The following OGDHL variants were observed in gnomAD, a reference collection of about 807,000 sequenced individuals.
The protein encoded by OGDHL is oxoglutarate dehydrogenase L.
OGDHL carries 79 observed loss-of-function variants against 109.6 expected under a neutral mutation model. The ratio of observed to expected loss-of-function variants is 0.72; its 90% CI spans 0.60 to 0.87. The LOEUF is 0.87. OGDHL is among the 40% of genes least tolerant of loss of function. The pLI, the probability that OGDHL is intolerant of heterozygous loss-of-function variation, is 0.00. For missense variants in OGDHL, 1,275 were observed against 1,362.2 expected (o/e 0.94, Z 1.01); for synonymous variants, 528 against 537.2 (o/e 0.98, Z 0.24).
At chr10:49,760,910 T>C (rs1843233467) in intron 1 of OGDHL, among the ~76,000 whole-genome samples, 3 of 152,364 alleles carry the variant, frequency 2.0e-5, no homozygotes, top group South Asian at 4.1e-4. Context: ...AATGGGGCAG[T>C]TTGGGCCAGA....
At chr10:49,747,327 G>T in intron 8 of OGDHL, 119 bp from the exon 9 acceptor site, 1 of 1,098,170 alleles carries the variant, frequency 9.1e-7, no homozygotes, top group Non-Finnish European at 1.3e-6. Flanking sequence ...CACTGCCTCA[G>T]AGGGCCAAGC....
chr10:49,756,949 A>T lies in OGDHL; in HGVS notation c.205-3T>A. The T allele has an allele frequency of 6.2e-7, 1 of 1,611,242 alleles. No homozygotes were observed. The highest frequency in any genetic ancestry group is 8.5e-7 in the Non-Finnish European group (1 of 1,178,502). ...TCCCTGAAGAAGCTGTCCCAGGACT[A>T]GGCAGGGCAGAAACAAGAACGCAGC... is the stretch of plus-strand genomic sequence containing the variant. On this transcript the variant is annotated splice_polypyrimidine_tract_variant and splice_region_variant and intron_variant, in intron 2 of 22. Transcript: ENST00000374103.
chr10:49,742,085 T>TACCACAC (rs538111571), intron 15 of OGDHL, among the ~76,000 whole-genome samples: 95,331 of 137,350 alleles, frequency 0.69, 31,993 homozygotes, highest in East Asian at 0.9. Context: ...ACCCCACACA[T>TACCACAC]ACCACACAAA....
chr10:49,745,998 T>G (rs749744097), intron 10 of OGDHL, 21 bp from the exon 11 acceptor site: 11 of 1,610,808 alleles, frequency 6.8e-6, no homozygotes, highest in South Asian at 5.5e-5. Flanking sequence ...AGGAGAAACC[T>G]GCTGCGCCTC....
intron 15 of OGDHL, among the ~76,000 whole-genome samples, chr10:49,742,332 G>GCCACAT (rs1841783522): frequency 7.6e-5 from 1 of 13,172 alleles, no homozygotes; most frequent in Non-Finnish European, 1.5e-4. Context: ...CACCACACAC[G>GCCACAT]ACACACACCA....
Position 49,744,077 on chromosome 10 carries a change from G to C in OGDHL, c.1778C>G (p.Ala593Gly). 1 of 1,614,114 alleles carries C rather than the reference G, an allele frequency of 6.2e-7. No homozygotes were observed. The change falls in exon 14 of 23, where the codon GCC becomes GGC. Residue 593 changes from alanine to glycine, a missense_variant. By Grantham distance (60) the Ala-to-Gly change is moderately conservative. Transcript: ENST00000374103. ...GAGCATGTCCTCAGGGATCCCCGTG[G>C]CTGGGCATGTCATGCTCTTGGGCTC... ...DGEPKSMTCP[A>G]TGIPEDMLTH...
In OGDHL at chr10:49,735,060, G is replaced by A. The variant is rs1028506972; in HGVS notation, c.*168C>T. 2 of 770,366 alleles carry A rather than the reference G, an allele frequency of 2.6e-6. No individual in the cohort carries two copies. The highest frequency in any genetic ancestry group is 2.0e-6 in the Non-Finnish European group (1 of 492,380). 47.7% of individuals were successfully genotyped at this position (770,366 alleles called of 1,614,324 possible). ...GCTCCCTCAGTCCTGGTAGATTCTG[G>A]CATGACACCAAGGCCAGCAGTGCTG... is the stretch of plus-strand genomic sequence containing the variant. On this transcript the variant is annotated 3_prime_UTR_variant, in exon 23 of 23. Coordinates refer to ENST00000374103, the MANE Select transcript of OGDHL (RefSeq NM_018245.3).
chr10:49,761,020 T>C (rs1391218014), intron 1 of OGDHL, among the ~76,000 whole-genome samples: 1 of 152,184 alleles, frequency 6.6e-6, no homozygotes, highest in Non-Finnish European at 1.5e-5. Context: ...TGTTGTGACC[T>C]TGACCCAGCC....
At chr10:49,742,153 C>T (rs1841755000) in intron 15 of OGDHL, among the ~76,000 whole-genome samples, 1 of 143,814 alleles carries the variant, frequency 7.0e-6, no homozygotes, top group East Asian at 2.1e-4. Context: ...CATACACACA[C>T]ATCACACACA....
At chr10:49,747,817 T>G (rs1842302684) in intron 8 of OGDHL, among the ~76,000 whole-genome samples, 1 of 152,026 alleles carries the variant, frequency 6.6e-6, no homozygotes, top group African/African-American at 2.4e-5. Flanking sequence ...ACAAAACGCT[T>G]TTACAAATCA....
At chr10:49,754,693 A>T (rs1475791191) in intron 3 of OGDHL, among the ~76,000 whole-genome samples, 1 of 152,108 alleles carries the variant, frequency 6.6e-6, no homozygotes, top group Non-Finnish European at 1.5e-5. Context: ...AAAAAAATCA[A>T]ATGTCTATGG....
chr10:49,739,639 C>T, intron 17 of OGDHL, 22 bp downstream of exon 17: 2 of 1,607,356 alleles, frequency 1.2e-6, no homozygotes, highest in Non-Finnish European at 1.7e-6. Flanking sequence ...ACCAAGCCAC[C>T]AGCCACCACC....
chr10:49,741,974 C>CACACACACTACATACACTACACACACT (rs1841713933), intron 15 of OGDHL, among the ~76,000 whole-genome samples: 1 of 145,064 alleles, frequency 6.9e-6, no homozygotes, highest in Non-Finnish European at 1.5e-5. Flanking sequence ...ACATACACTA[C>CACACACACTACATACACTACACACACT]ACACACACAA....
Position 49,745,895 on chromosome 10 carries a change from A to C in OGDHL, c.1379T>G (p.Phe460Cys), listed in dbSNP as rs778956485. 1 of 1,614,218 alleles carries C rather than the reference A, an allele frequency of 6.2e-7. No individual in the cohort carries two copies. The highest frequency in any genetic ancestry group is 1.1e-5 in the South Asian group (1 of 91,080). The change falls in exon 11 of 23, where the codon TTC (phenylalanine) becomes TGC (cysteine). Residue 460 changes from phenylalanine to cysteine, a missense_variant. Transcript: ENST00000374103. ...CTCTGGGTCATCGGCATTCACATGG[A>C]AGATAGGCGCATTGACCACCCGGGC... ...DVARVVNAPI[F>C]HVNADDPEAV...
At chr10:49,738,372 T>A in intron 17 of OGDHL, 110 bp from the exon 18 acceptor site, 5 of 1,107,352 alleles carry the variant, frequency 4.5e-6, no homozygotes, top group Non-Finnish European at 6.7e-6. Context: ...TCAGCAGAGG[T>A]GCCCTCACCC....
chr10:49,744,864 T>G, intron 12 of OGDHL, 112 bp from the exon 13 acceptor site: 1 of 850,724 alleles, frequency 1.2e-6, no homozygotes, highest in Non-Finnish European at 1.9e-6. Context: ...TCTAGAACTC[T>G]CTGTCTCTGG....
chr10:49,736,309 C>T (rs750677259), intron 21 of OGDHL, 48 bp downstream of exon 21: 44 of 1,605,946 alleles, frequency 2.7e-5, no homozygotes, highest in Middle Eastern at 1.7e-4. Flanking sequence ...CCGGGGCCAG[C>T]GACGTGAGCT....
chr10:49,752,891 C>T (rs1467309116), intron 3 of OGDHL, 151 bp from the exon 4 acceptor site: 7 of 610,588 alleles, frequency 1.1e-5, no homozygotes, highest in Middle Eastern at 4.3e-4. Context: ...CTGCTGCCTG[C>T]GAGACCCCAG....
intron 15 of OGDHL, among the ~76,000 whole-genome samples, chr10:49,742,069 CCA>C (rs1291308999): frequency 4.4e-4 from 36 of 82,298 alleles, no homozygotes; most frequent in Middle Eastern, 5.0e-3. Context: ...ACACTACACA[CCA>C]CACACCCCAC....
Sources: gnomAD v4.1 joint callset for allele counts (sites outside exome capture counted in the v4.1 genomes callset) on GRCh38, gnomAD v4.1.1 for gene constraint, MANE v1.5 for transcripts, NCBI Gene and HGNC (gene_info 2026-07-23, HGNC 2026-07-21) for gene names.